ANXA1: variants seen among roughly 807,000 people sequenced by gnomAD.
ANXA1 encodes the protein annexin I (lipocortin I).
A neutral mutation model predicts 47.9 loss-of-function variants in ANXA1; 39 were observed. The ratio of observed to expected loss-of-function variants is 0.81; its 90% CI spans 0.63 to 1.06. The LOEUF (loss-of-function observed/expected upper bound fraction) is 1.06. Ranked by LOEUF, ANXA1 falls within the 50% of genes least tolerant of loss-of-function variation. ANXA1 has a pLI of 0.00. For missense variants in ANXA1, 446 were observed against 422.7 expected (o/e 1.06, Z -0.48); for synonymous variants, 146 against 142.5 (o/e 1.02, Z -0.17).
At chr9:73,154,101 G>A (rs762720404) in intron 1 of ANXA1, 8 of 326,384 alleles carry the variant, frequency 2.5e-5, no homozygotes, top group African/African-American at 4.4e-5. Flanking sequence ...ACACCCTATC[G>A]AAAAGCCTGG....
intron 8 of ANXA1, among the ~76,000 whole-genome samples, chr9:73,164,876 A>G (rs1476045598): frequency 6.6e-6 from 1 of 152,154 alleles, no homozygotes; most frequent in Non-Finnish European, 1.5e-5. Flanking sequence ...GCAAACATTT[A>G]TTCTGCAAAC....
intron 1 of ANXA1, among the ~76,000 whole-genome samples, chr9:73,157,465 C>A (rs140615778): frequency 6.6e-6 from 1 of 151,836 alleles, no homozygotes; most frequent in East Asian, 1.9e-4. Context: ...ATCAGCCTAG[C>A]CAACATGGTG....
chr9:73,154,035 T>C (rs946187835), intron 1 of ANXA1, among the ~76,000 whole-genome samples: 2 of 152,034 alleles, frequency 1.3e-5, no homozygotes, highest in African/African-American at 2.4e-5. Context: ...AAGTAGCAAT[T>C]AGTTAGGCAA....
chr9:73,159,513 G>A (rs538707031), intron 4 of ANXA1, 90 bp downstream of exon 4: 9 of 1,062,552 alleles, frequency 8.5e-6, no homozygotes, highest in South Asian at 7.0e-5. Flanking sequence ...GTTCTTTAAG[G>A]TTCTAACCAC....
intron 6 of ANXA1, among the ~76,000 whole-genome samples, chr9:73,162,107 C>A (rs1824152461): frequency 6.6e-6 from 1 of 152,084 alleles, no homozygotes; most frequent in South Asian, 2.1e-4. Flanking sequence ...CTTAAAGAAA[C>A]TATGAATGAG....
chr9:73,156,853 G>A (rs1457392126), intron 1 of ANXA1, among the ~76,000 whole-genome samples: 4 of 152,154 alleles, frequency 2.6e-5, no homozygotes, highest in Non-Finnish European at 5.9e-5. Context: ...AGACAGATCA[G>A]TGTAGACCTT....
intron 10 of ANXA1, 24 bp downstream of exon 10, chr9:73,166,216 A>G (rs747491856): frequency 3.5e-5 from 54 of 1,533,220 alleles, no homozygotes; most frequent in Non-Finnish European, 4.6e-5. Flanking sequence ...CAGTTGAAAG[A>G]GTTTTCTAAC....
At chr9:73,167,953 G>A (rs994321744) in intron 11 of ANXA1, 3 of 166,736 alleles carry the variant, frequency 1.8e-5, no homozygotes, top group Non-Finnish European at 3.9e-5. Flanking sequence ...TTATGCCACA[G>A]ATTAATAGTT....
At chr9:73,167,402 A>G in intron 10 of ANXA1, 95 bp from the exon 11 acceptor site, 7 of 1,146,824 alleles carry the variant, frequency 6.1e-6, no homozygotes, top group Non-Finnish European at 7.8e-6. Flanking sequence ...GGGATAGAAC[A>G]CTGTTGGCAA....
intron 10 of ANXA1, 116 bp from the exon 11 acceptor site, chr9:73,167,381 A>G: frequency 1.2e-6 from 1 of 845,188 alleles, no homozygotes; most frequent in South Asian, 1.6e-5. Flanking sequence ...AGAGGTGAAG[A>G]ATGATGATGA....
At chr9:73,152,815 T>A (rs1823992515) in intron 1 of ANXA1, among the ~76,000 whole-genome samples, 1 of 152,212 alleles carries the variant, frequency 6.6e-6, no homozygotes, top group South Asian at 2.1e-4. Flanking sequence ...TTACAAATCA[T>A]GTATCTGGCT....
chr9:73,161,573 T>C (rs971745688), intron 6 of ANXA1, among the ~76,000 whole-genome samples: 2 of 152,130 alleles, frequency 1.3e-5, no homozygotes, highest in African/African-American at 4.8e-5. Flanking sequence ...TTTTTGGCTT[T>C]CCCAATGCAA....
At position 73,169,050 on chromosome 9, in the gene ANXA1, A is replaced by G. The variant is rs749629349; in HGVS notation, c.880A>G (p.Lys294Glu). Reference sequence around the variant, plus strand: ...TGGCCAGGGTGTTGGAACTCGCCATAAGGCATTGATCAGGATTATGGTTTC... The same window carrying G: ...TGGCCAGGGTGTTGGAACTCGCCATGAGGCATTGATCAGGATTATGGTTTC... ...QAMKGVGTRH[K>E]ALIRIMVSRS... The change falls in exon 12 of 13, where the codon AAG (lysine) becomes GAG (glutamate). Residue 294 changes from lysine to glutamate, a missense_variant. By Grantham distance (56) the Lys-to-Glu change is moderately conservative. Transcript: ENST00000257497. The G allele has an allele frequency of 1.1e-5, 18 of 1,612,076 alleles. No individual in the cohort carries two copies. The Admixed American group carries it at 2.7e-4, about 24-fold the overall frequency.
rs1416813427 is a variant in ANXA1 at position 73,154,507 on chromosome 9, C to T, written c.-15+2583C>T. Reference sequence around the variant, plus strand: ...ATGGAGTGTAGTGGTACAATCTCGGCTCACTGCAGCCTCCGCCTCTTCCTG... The same window carrying T: ...ATGGAGTGTAGTGGTACAATCTCGGTTCACTGCAGCCTCCGCCTCTTCCTG... On this transcript the variant is annotated intron_variant, in intron 1 of 12. Coordinates refer to ENST00000257497, the MANE Select transcript of ANXA1 (RefSeq NM_000700.3). 2.6e-5 allele frequency among the ~76,000 whole-genome samples: 4 copies of T among 152,114 alleles called. No individual in the cohort carries two copies. In the East Asian group the frequency reaches 5.8e-4, roughly 22 times the overall value.
At position 73,168,880 on chromosome 9, in the gene ANXA1, GGTGTGT is replaced by G. The variant is rs3832643; in HGVS notation, c.862-125_862-120del. ...TTTCATTTCATTACCATTCGTGTAA[GGTGTGT>G]GTGTGTGTGTGTGTGTGTGTGTGTG... is the stretch of plus-strand genomic sequence containing the variant. On this transcript the variant is annotated intron_variant, in intron 11 of 12. Coordinates refer to ENST00000257497, the MANE Select transcript of ANXA1 (RefSeq NM_000700.3). 241 of 402,830 alleles carry G rather than the reference GGTGTGT, an allele frequency of 6.0e-4. 2 individuals are homozygous for G. Among genetic ancestry groups the G allele is most frequent in the East Asian group, 3.5e-3 (89 of 25,686 alleles). 25.0% of individuals were successfully genotyped at this position (402,830 alleles called of 1,614,324 possible). A position where few individuals can be genotyped will look rare whatever the true frequency, so the allele number is the denominator to read the frequency against.
chr9:73,163,373 C>A (rs972858560), intron 7 of ANXA1, 103 bp from the exon 8 acceptor site: 5 of 1,171,790 alleles, frequency 4.3e-6, no homozygotes, highest in Non-Finnish European at 6.1e-6. Flanking sequence ...TAATAGAATA[C>A]CTTTTTCTCA....
rs78100187 is a variant in ANXA1, at chr9:73,160,681, A to G, written c.385-122A>G. 1.9e-5 allele frequency: 13 copies of G among 700,518 alleles called. No individual in the cohort carries two copies. In the East Asian group the frequency reaches 3.2e-4, roughly 17 times the overall value. The allele number at this position is 700,518 out of a possible 1,614,324, so 43.4% of individuals were successfully genotyped here. A position where few individuals can be genotyped will look rare whatever the true frequency, so the allele number is the denominator to read the frequency against. ...TAATAGAGCTTATTGTAATTATTAAATGTTGTGGGTGAAATTTACTAAATG... is the reference window on the plus strand; with the variant it reads ...TAATAGAGCTTATTGTAATTATTAAGTGTTGTGGGTGAAATTTACTAAATG... On this transcript the variant is annotated intron_variant, in intron 5 of 12. Transcript: ENST00000257497.
chr9:73,169,874 G>A (rs1164491837), intron 12 of ANXA1, among the ~76,000 whole-genome samples, 177 bp from the exon 13 acceptor site: 2 of 151,872 alleles, frequency 1.3e-5, no homozygotes, highest in Non-Finnish European at 2.9e-5. Flanking sequence ...GAAGGCTATT[G>A]CTTTTTTATG....
intron 8 of ANXA1, among the ~76,000 whole-genome samples, chr9:73,164,764 C>A (rs899907286): frequency 6.6e-6 from 1 of 152,104 alleles, no homozygotes; most frequent in Non-Finnish European, 1.5e-5. Context: ...TTATAAGTAA[C>A]ATTTGCTGAT....
Sources: allele counts gnomAD v4.1 joint callset (sites outside exome capture counted in the v4.1 genomes callset), GRCh38; gene constraint gnomAD v4.1.1; transcripts MANE v1.5; gene names NCBI Gene and HGNC (gene_info 2026-07-23, HGNC 2026-07-21).